Variants in MKX observed in about 807,000 individuals in gnomAD.
MKX encodes the protein mohawk homeobox.
Under a neutral mutation model 36.0 loss-of-function variants are expected in MKX, and 13 were observed. The ratio of observed to expected loss-of-function variants is 0.36; its 90% CI spans 0.24 to 0.57. MKX has a LOEUF of 0.57. MKX is among the 20% of genes least tolerant of loss of function. MKX has a pLI of 0.79. For synonymous variants in MKX, 176 were observed against 178.3 expected, an observed-to-expected ratio of 0.99 and a Z score of 0.10; for missense variants, 458 against 456.4, an observed-to-expected ratio of 1.00 and a Z score of -0.03.
chr10:27,688,482 A>C (rs1306302256), intron 5 of MKX, among the ~76,000 whole-genome samples: 1 of 152,236 alleles, frequency 6.6e-6, no homozygotes, highest in Non-Finnish European at 1.5e-5. Flanking sequence ...ACATTAAAGA[A>C]TATCTATTAG....
intron 5 of MKX, among the ~76,000 whole-genome samples, chr10:27,717,416 T>C (rs1432272167): frequency 3.3e-5 from 5 of 152,230 alleles, no homozygotes; most frequent in African/African-American, 1.2e-4. Context: ...CTTGACATTG[T>C]TAATGAATTC....
intron 5 of MKX, 26 bp from the exon 6 acceptor site, chr10:27,675,580 T>G: frequency 6.2e-7 from 1 of 1,607,314 alleles, no homozygotes; most frequent in Non-Finnish European, 8.5e-7. Context: ...AAAATTCAAT[T>G]ATTTTTATGT....
Position 27,741,539 on chromosome 10 carries a change from C to T in MKX, c.189-35G>A, listed in dbSNP as rs1274867968. The T allele has an allele frequency of 2.6e-6, 4 of 1,534,110 alleles. No individual in the cohort carries two copies. Among genetic ancestry groups the T allele is most frequent in the Non-Finnish European group, 3.5e-6 (4 of 1,147,766 alleles). ...GGGGAGAGGAGGCGGCCCTGGTGAG[C>T]GACGCGTTTGCCCGCCCGGACGCTC... On this transcript the variant is annotated intron_variant, in intron 2 of 6. Transcript: ENST00000419761. The surrounding 1 kb of genome is among the most constrained non-coding windows in gnomAD (Gnocchi z 5.1).
rs1048103714 is a variant in MKX at position 27,742,058 on chromosome 10, G to A, written c.189-554C>T. ...TAAGCTATTTCCTTTGATCTTTTAGGAAAAGGGGGAAACTTTCTAAAGGAG... is the reference window on the plus strand; with the variant it reads ...TAAGCTATTTCCTTTGATCTTTTAGAAAAAGGGGGAAACTTTCTAAAGGAG... On this transcript the variant is annotated intron_variant, in intron 2 of 6. Coordinates refer to ENST00000419761, the MANE Select transcript of MKX (RefSeq NM_173576.3). This position sits in a 1 kb window ranked among gnomAD's most constrained non-coding sequence, Gnocchi z 4.2. 6.6e-6 allele frequency among the ~76,000 whole-genome samples: 1 copy of A among 152,210 alleles called. No individual in the cohort carries two copies. Among genetic ancestry groups the A allele is most frequent in the Non-Finnish European group, 1.5e-5 (1 of 68,038 alleles).
In MKX at chr10:27,735,538, A is replaced by T. The variant is rs185887031; in HGVS notation, c.349-164T>A. Among the ~76,000 whole-genome samples, 3 of 152,324 alleles carry T rather than the reference A, an allele frequency of 2.0e-5. No homozygotes were observed. In the East Asian group the frequency reaches 5.8e-4, roughly 29 times the overall value. ...GCATCCATTCATTCATTTGACAAAC[A>T]TGTTGCTTACTACAGACACTGAGCA... On this transcript the variant is annotated intron_variant, in intron 3 of 6. Transcript: ENST00000419761.
intron 5 of MKX, among the ~76,000 whole-genome samples, chr10:27,734,106 T>C (rs1349825808): frequency 1.3e-5 from 2 of 152,148 alleles, no homozygotes; most frequent in Non-Finnish European, 2.9e-5. Flanking sequence ...CCCTAAACAT[T>C]GTTATTCTGA....
rs537613154 is a variant in MKX, at chr10:27,732,962, C to T, written c.838+1494G>A. On this transcript the variant is annotated intron_variant, in intron 5 of 6. Transcript: ENST00000419761. ...TGGGGGTCTCACCATATTGCCCAGG[C>T]TTGTCTCAAACTCCTGGGTTCAAGG... Among the ~76,000 whole-genome samples the T allele has an allele frequency of 2.4e-4, 37 of 152,254 alleles. 1 individual carries two copies. Among genetic ancestry groups the T allele is most frequent in the Admixed American group, 5.2e-4 (8 of 15,296 alleles).
At chr10:27,702,313 G>A (rs1836673110) in intron 5 of MKX, among the ~76,000 whole-genome samples, 1 of 152,156 alleles carries the variant, frequency 6.6e-6, no homozygotes, top group African/African-American at 2.4e-5. Context: ...GGAGACACAG[G>A]GACATACCAA....
chr10:27,711,942 G>T (rs1836880992), intron 5 of MKX, among the ~76,000 whole-genome samples: 1 of 152,064 alleles, frequency 6.6e-6, no homozygotes, highest in Admixed American at 6.5e-5. Context: ...AGACTGATAA[G>T]CATGAACCAA....
Position 27,673,577 on chromosome 10 carries a change from A to G in MKX, c.*1652T>C, listed in dbSNP as rs1434805921. 1 of 152,590 alleles carries G rather than the reference A, an allele frequency of 6.6e-6. No individual in the cohort carries two copies. The highest frequency in any genetic ancestry group is 1.9e-4 in the East Asian group (1 of 5,204). 9.5% of individuals were successfully genotyped at this position (152,590 alleles called of 1,614,324 possible). A position where few individuals can be genotyped will look rare whatever the true frequency, so the allele number is the denominator to read the frequency against. On this transcript the variant is annotated 3_prime_UTR_variant, in exon 7 of 7. Coordinates refer to ENST00000419761, the MANE Select transcript of MKX (RefSeq NM_173576.3). ...ATACTTCATCTGATCATACAGTCAT[A>G]ACTTATATATTTTGCTTTGCGCTTA...
At position 27,735,250 on chromosome 10, in the gene MKX, C is replaced by T. The variant is rs1834729560; in HGVS notation, c.473G>A (p.Ser158Asn). ...KYVQGNAERL[S>N]VSSDDSCSED... The stretch of plus-strand genomic sequence containing the variant: ...AGAACATGAGTCATCACTGCTTACG[C>T]TAAGCCGTTCAGCATTGCCTTGAAC... The change falls in exon 4 of 7, where the codon AGC (serine) becomes AAC (asparagine). Residue 158 changes from serine to asparagine, a missense_variant. Ser to Asn is a conservative substitution (Grantham distance 46). This residue lies in a region of MKX where 297 missense variants were observed against 304.4 expected (regional missense o/e 0.98). Transcript: ENST00000419761. 1.9e-6 allele frequency: 3 copies of T among 1,609,822 alleles called. No individual in the cohort carries two copies. Among genetic ancestry groups the T allele is most frequent in the Admixed American group, 1.7e-5 (1 of 59,040 alleles).
chr10:27,701,406 T>G (rs1404049645), intron 5 of MKX, among the ~76,000 whole-genome samples: 2 of 146,444 alleles, frequency 1.4e-5, no homozygotes, highest in East Asian at 2.0e-4. Context: ...TTATAAAATA[T>G]AACAGGTTTT....
At chr10:27,695,450 C>A (rs115113282) in intron 5 of MKX, among the ~76,000 whole-genome samples, 2,413 of 151,048 alleles carry the variant, frequency 0.016, 45 homozygotes, top group African/African-American at 0.055. Flanking sequence ...AAAAAAAAAT[C>A]TCATATTTTC....
intron 5 of MKX, among the ~76,000 whole-genome samples, chr10:27,722,076 C>G (rs1455687334): frequency 1.3e-5 from 2 of 152,118 alleles, no homozygotes; most frequent in Non-Finnish European, 2.9e-5. Context: ...AGAAAATATA[C>G]TTCTGATAAA....
intron 1 of MKX, 81 bp from the exon 2 acceptor site, chr10:27,743,578 G>C: frequency 1.3e-6 from 1 of 757,060 alleles, no homozygotes; most frequent in Non-Finnish European, 1.9e-6. Flanking sequence ...GAACTTGGCC[G>C]GGTCGCCGGG....
At chr10:27,735,925 T>C (rs1208431395) in intron 3 of MKX, among the ~76,000 whole-genome samples, 1 of 152,082 alleles carries the variant, frequency 6.6e-6, no homozygotes, top group Non-Finnish European at 1.5e-5. Context: ...TGACCTTGAG[T>C]CATCAAACCT....
chr10:27,725,385 A>C (rs981777471), intron 5 of MKX, among the ~76,000 whole-genome samples: 3 of 152,180 alleles, frequency 2.0e-5, no homozygotes, highest in Non-Finnish European at 4.4e-5. Flanking sequence ...AAAACTGAGA[A>C]AAATATTCAA....
Position 27,740,315 on chromosome 10 carries a change from C to T in MKX, c.348+1030G>A, listed in dbSNP as rs535255014. Among the ~76,000 whole-genome samples, 251 of 152,232 alleles carry T rather than the reference C, an allele frequency of 1.6e-3. 1 individual carries two copies. Among genetic ancestry groups the T allele is most frequent in the Admixed American group, 4.9e-3 (75 of 15,284 alleles). On this transcript the variant is annotated intron_variant, in intron 3 of 6. Transcript: ENST00000419761. ...AATTTTCACAATCAGGTAATGCTACCGCAATGTGCAAAACTTTTCACCTGA... is the reference window on the plus strand; with the variant it reads ...AATTTTCACAATCAGGTAATGCTACTGCAATGTGCAAAACTTTTCACCTGA...
rs2132614646 is a variant in MKX, at chr10:27,721,232, A to C, written c.838+13224T>G. Among the ~76,000 whole-genome samples, 3 of 145,072 alleles carry C rather than the reference A, an allele frequency of 2.1e-5. No individual in the cohort carries two copies. The East Asian group carries it at 6.2e-4, about 30-fold the overall frequency. On this transcript the variant is annotated intron_variant, in intron 5 of 6. Transcript: ENST00000419761. ...AACTTAAAGTTCTACTAGAACAATAAATTCAAGGACCTAGATGAGAATATT... is the reference window on the plus strand; with the variant it reads ...AACTTAAAGTTCTACTAGAACAATACATTCAAGGACCTAGATGAGAATATT...
Sources: gnomAD v4.1 joint callset for allele counts (sites outside exome capture counted in the v4.1 genomes callset) on GRCh38, gnomAD v4.1.1 for gene constraint, gnomAD v4.1.1 regional missense constraint, Gnocchi (gnomAD v3.1) non-coding constraint, MANE v1.5 for transcripts, NCBI Gene and HGNC (gene_info 2026-07-23, HGNC 2026-07-21) for gene names.